Variants in CTIF observed in about 807,000 individuals in gnomAD.
The protein encoded by CTIF is CBP80/20-dependent translation initiation factor.
A neutral mutation model predicts 66.0 loss-of-function variants in CTIF; 21 were observed. That is an observed-to-expected ratio of 0.32 (90% CI 0.23 to 0.46). CTIF has a LOEUF of 0.46. Ranked by LOEUF, CTIF falls within the 20% of genes least tolerant of loss-of-function variation. The pLI, the probability that CTIF is intolerant of heterozygous loss-of-function variation, is 1.00. For synonymous variants in CTIF, 345 were observed against 326.4 expected (o/e 1.06, Z -0.62); for missense variants, 739 against 812.7 (o/e 0.91, Z 1.10).
chr18:48,615,166 G>A (rs1397067500), intron 1 of CTIF, among the ~76,000 whole-genome samples: 1 of 152,200 alleles, frequency 6.6e-6, no homozygotes, highest in Non-Finnish European at 1.5e-5. Flanking sequence ...AAAGGGCTGG[G>A]ATTACAGGCA....
At chr18:48,817,607 C>A (rs569603759) in intron 10 of CTIF, among the ~76,000 whole-genome samples, 60 of 152,220 alleles carry the variant, frequency 3.9e-4, no homozygotes, top group Admixed American at 1.2e-3. Flanking sequence ...GAAACCCCAT[C>A]TCTACTAAAA....
intron 9 of CTIF, among the ~76,000 whole-genome samples, chr18:48,781,383 G>A (rs1332350653): frequency 2.6e-5 from 4 of 152,318 alleles, no homozygotes; most frequent in South Asian, 2.1e-4. Flanking sequence ...AAGAGGGTGC[G>A]GGGGATTTGG....
At chr18:48,771,649 C>A (rs1214253921) in intron 9 of CTIF, among the ~76,000 whole-genome samples, 2 of 152,224 alleles carry the variant, frequency 1.3e-5, no homozygotes, top group Admixed American at 6.5e-5. Flanking sequence ...GCAGGCCCTG[C>A]AGATAAGTGG....
At chr18:48,681,738 C>A (rs570741079) in intron 6 of CTIF, among the ~76,000 whole-genome samples, 1 of 152,112 alleles carries the variant, frequency 6.6e-6, no homozygotes, top group Non-Finnish European at 1.5e-5. Flanking sequence ...GTCCTTCCCA[C>A]CTCATCCACC....
At position 48,720,144 on chromosome 18, in the gene CTIF, G is replaced by A. The variant is rs9950428; in HGVS notation, c.584+8449G>A. ...CTACCATAAATAATGAGAAGTGACC[G>A]TACTTGCTCTTTAAAACAGAGTAGA... On this transcript the variant is annotated intron_variant, in intron 7 of 11. Transcript: ENST00000256413. 9.2e-3 allele frequency among the ~76,000 whole-genome samples: 1,394 copies of A among 152,284 alleles called. 19 individuals carry two copies. The highest frequency in any genetic ancestry group is 0.031 in the African/African-American group (1,301 of 41,542).
intron 6 of CTIF, among the ~76,000 whole-genome samples, chr18:48,705,082 C>T (rs1181679327): frequency 6.6e-6 from 1 of 152,176 alleles, no homozygotes; most frequent in East Asian, 1.9e-4. Context: ...CTGGTAACTC[C>T]ACTGTGGTCT....
At chr18:48,838,267 C>A (rs549974341) in intron 10 of CTIF, among the ~76,000 whole-genome samples, 2 of 152,332 alleles carry the variant, frequency 1.3e-5, no homozygotes, top group Admixed American at 6.5e-5. Context: ...GGTAGACTCA[C>A]ATAGGAGCTG....
chr18:48,616,881 C>T (rs931464595), intron 1 of CTIF, among the ~76,000 whole-genome samples: 3 of 152,204 alleles, frequency 2.0e-5, no homozygotes, highest in Non-Finnish European at 4.4e-5. Context: ...GTGACAGGTT[C>T]AGTGTGAGCA....
rs373976119 is a variant in CTIF at position 48,740,905 on chromosome 18, T to C, written c.585-17014T>C. ...CCCGACCCTGCCAAGTCCAGAAATA[T>C]AGCATCGTGGTTAAGAGTGTAGGCT... On this transcript the variant is annotated intron_variant, in intron 7 of 11. Coordinates refer to ENST00000256413, the MANE Select transcript of CTIF (RefSeq NM_014772.3). 1.0e-3 allele frequency among the ~76,000 whole-genome samples: 156 copies of C among 152,368 alleles called. 1 individual carries two copies. Among genetic ancestry groups the C allele is most frequent in the African/African-American group, 3.5e-3 (147 of 41,592 alleles).
chr18:48,633,252 G>A (rs1404131248), intron 2 of CTIF, among the ~76,000 whole-genome samples: 1 of 152,194 alleles, frequency 6.6e-6, no homozygotes, highest in Non-Finnish European at 1.5e-5. Context: ...GGCACTGTGT[G>A]CCTTGGATGT....
intron 1 of CTIF, among the ~76,000 whole-genome samples, chr18:48,571,451 C>T (rs1033475355): frequency 2.0e-5 from 3 of 152,216 alleles, no homozygotes; most frequent in Non-Finnish European, 4.4e-5. Context: ...CCACCACACT[C>T]GGCCAGGTAG....
chr18:48,715,188 C>T (rs1420298691), intron 7 of CTIF, among the ~76,000 whole-genome samples: 3 of 152,150 alleles, frequency 2.0e-5, no homozygotes, highest in Non-Finnish European at 4.4e-5. Flanking sequence ...TGGTCACCTG[C>T]AGACTCTGCT....
intron 6 of CTIF, among the ~76,000 whole-genome samples, chr18:48,689,246 A>T (rs1485261635): frequency 1.3e-5 from 2 of 152,252 alleles, no homozygotes; most frequent in Admixed American, 6.5e-5. Flanking sequence ...CACTAGCCAC[A>T]TGGCGACTTT....
At chr18:48,674,463 T>TGGGTTA (rs2091592706) in intron 6 of CTIF, among the ~76,000 whole-genome samples, 2 of 152,186 alleles carry the variant, frequency 1.3e-5, no homozygotes, top group African/African-American at 4.8e-5. Context: ...TATCTCTCAG[T>TGGGTTA]GGGTTACACA....
Position 48,678,591 on chromosome 18 carries a change from CTT to C in CTIF, c.507+7862_507+7863del, listed in dbSNP as rs11292317. Among the ~76,000 whole-genome samples the C allele has an allele frequency of 7.6e-3, 1,086 of 143,356 alleles. 5 individuals are homozygous for C. Among genetic ancestry groups the C allele is most frequent in the African/African-American group, 0.018 (684 of 38,824 alleles). 94.0% of individuals were successfully genotyped at this position (143,356 alleles called of 152,430 possible). On this transcript the variant is annotated intron_variant, in intron 6 of 11. Coordinates refer to ENST00000256413, the MANE Select transcript of CTIF (RefSeq NM_014772.3). Reference sequence around the variant, plus strand: ...TTTTTATTTTTTGTTATTTGTGAGTCTTTTTTTTTTTTTTTTAAAGAACTGAT... The same window carrying C: ...TTTTTATTTTTTGTTATTTGTGAGTCTTTTTTTTTTTTTTAAAGAACTGAT...
At chr18:48,560,446 C>T (rs771253018) in intron 1 of CTIF, among the ~76,000 whole-genome samples, 6 of 152,018 alleles carry the variant, frequency 3.9e-5, no homozygotes, top group South Asian at 2.1e-4. Flanking sequence ...AGGATGGTCT[C>T]GATCTCCTGA....
intron 3 of CTIF, among the ~76,000 whole-genome samples, chr18:48,652,871 C>G (rs1223988476): frequency 1.3e-5 from 2 of 152,168 alleles, no homozygotes; most frequent in African/African-American, 4.8e-5. Flanking sequence ...AAACCAACGA[C>G]AAAAACCACA....
chr18:48,785,952 G>T (rs926176314), intron 9 of CTIF, among the ~76,000 whole-genome samples: 1 of 152,082 alleles, frequency 6.6e-6, no homozygotes, highest in African/African-American at 2.4e-5. Context: ...ACTTACGTAG[G>T]TTCATCCTCA....
chr18:48,798,502 T>G (rs1012089205), intron 9 of CTIF, among the ~76,000 whole-genome samples: 10 of 152,340 alleles, frequency 6.6e-5, no homozygotes, highest in African/African-American at 2.2e-4. Context: ...TTGTCTGCAC[T>G]TGCTACTGAG....
Sources: gnomAD v4.1 joint callset for allele counts (sites outside exome capture counted in the v4.1 genomes callset) on GRCh38, gnomAD v4.1.1 for gene constraint, MANE v1.5 for transcripts, NCBI Gene and HGNC (gene_info 2026-07-23, HGNC 2026-07-21) for gene names.